Variants in MAN1A1 observed in about 807,000 individuals in gnomAD.
MAN1A1 encodes the protein mannosidase alpha class 1A member 1.
In MAN1A1, 29 loss-of-function variants were observed where a neutral mutation model predicts 70.8. The ratio of observed to expected loss-of-function variants is 0.41; its 90% confidence interval spans 0.31 to 0.56. The LOEUF is 0.56. Ranked by LOEUF, MAN1A1 falls within the 20% of genes least tolerant of loss-of-function variation. MAN1A1 has a pLI of 0.29. For missense variants in MAN1A1, 747 were observed against 841.3 expected (o/e 0.89, Z 1.39); for synonymous variants, 349 against 330.1 (o/e 1.06, Z -0.62).
At chr6:119,338,859 T>C (rs1015321331) in intron 2 of MAN1A1, among the ~76,000 whole-genome samples, 1 of 152,184 alleles carries the variant, frequency 6.6e-6, no homozygotes, top group Non-Finnish European at 1.5e-5. Flanking sequence ...GGGAAAAATT[T>C]TTTTTCTTGC....
At chr6:119,337,207 A>G (rs1773476297) in intron 2 of MAN1A1, among the ~76,000 whole-genome samples, 1 of 152,160 alleles carries the variant, frequency 6.6e-6, no homozygotes, top group Non-Finnish European at 1.5e-5. Flanking sequence ...GGCATTTCCT[A>G]TATTCATTAG....
intron 2 of MAN1A1, among the ~76,000 whole-genome samples, chr6:119,315,503 C>T (rs1194610043): frequency 6.6e-6 from 1 of 152,168 alleles, no homozygotes; most frequent in Non-Finnish European, 1.5e-5. Context: ...AAAATTGGAT[C>T]ATATGCATTT....
rs1773054563 is a variant in MAN1A1, at chr6:119,178,267, T to C, written c.*1552A>G. On this transcript the variant is annotated 3_prime_UTR_variant, in exon 13 of 13. Transcript: ENST00000368468. ...AGCCTATTGATAGCTAAGAAAATAA[T>C]TGTCTTCAATAATATTAGGTGGAAC... 6.6e-6 allele frequency: 1 copy of C among 152,170 alleles called. No homozygotes were observed. The highest frequency in any genetic ancestry group is 2.4e-5 in the African/African-American group (1 of 41,550). The allele number at this position is 152,170 out of a possible 1,614,324, so 9.4% of individuals were successfully genotyped here. A position where few individuals can be genotyped will look rare whatever the true frequency, so the allele number is the denominator to read the frequency against.
intron 6 of MAN1A1, among the ~76,000 whole-genome samples, chr6:119,224,418 G>T (rs1476161425): frequency 2.0e-5 from 3 of 152,176 alleles, no homozygotes; most frequent in African/African-American, 7.2e-5. Context: ...CAGGTACGGA[G>T]AAGATCCCCA....
chr6:119,306,602 A>G (rs984241578), intron 3 of MAN1A1, among the ~76,000 whole-genome samples: 7 of 152,206 alleles, frequency 4.6e-5, no homozygotes, highest in African/African-American at 1.7e-4. Flanking sequence ...CCCAGAGGCT[A>G]AAATTTATGA....
chr6:119,273,353 T>C (rs983146235), intron 5 of MAN1A1, among the ~76,000 whole-genome samples: 2 of 152,172 alleles, frequency 1.3e-5, no homozygotes, highest in African/African-American at 4.8e-5. Flanking sequence ...TTTCTCTATA[T>C]TTTCCATAGC....
intron 6 of MAN1A1, among the ~76,000 whole-genome samples, chr6:119,227,248 T>C (rs1033749636): frequency 8.5e-5 from 13 of 152,126 alleles, no homozygotes; most frequent in African/African-American, 3.1e-4. Context: ...AACATATCAG[T>C]GGTTGCCTGG....
In MAN1A1 at chr6:119,189,896, CTTAT is replaced by C; in HGVS notation, c.1327-17_1327-14del. 1 of 1,592,550 alleles carries C rather than the reference CTTAT, an allele frequency of 6.3e-7. No homozygotes were observed. The highest frequency in any genetic ancestry group is 8.6e-7 in the Non-Finnish European group (1 of 1,162,076). Reference sequence around the variant, plus strand: ...GAGTCTCGATAGCCTGTGAAAAACACTTATTTTTTAACATTTTGTAATCTCTTCT... The same window carrying C: ...GAGTCTCGATAGCCTGTGAAAAACACTTTTTAACATTTTGTAATCTCTTCT... On this transcript the variant is annotated splice_polypyrimidine_tract_variant and intron_variant, in intron 9 of 12. Transcript: ENST00000368468.
intron 7 of MAN1A1, among the ~76,000 whole-genome samples, chr6:119,203,032 C>T (rs1773758430): frequency 6.6e-6 from 1 of 152,122 alleles, no homozygotes; most frequent in South Asian, 2.1e-4. Flanking sequence ...ACAAAGAAGA[C>T]ATCATGTGAA....
At chr6:119,301,410 T>C (rs1340377568) in intron 4 of MAN1A1, among the ~76,000 whole-genome samples, 1 of 152,212 alleles carries the variant, frequency 6.6e-6, no homozygotes, top group African/African-American at 2.4e-5. Flanking sequence ...CAATGGGCCA[T>C]GAAATATTTG....
At chr6:119,345,069 C>G (rs994844535) in intron 2 of MAN1A1, among the ~76,000 whole-genome samples, 2 of 151,950 alleles carry the variant, frequency 1.3e-5, no homozygotes, top group South Asian at 4.1e-4. Context: ...TTAGCCCCAG[C>G]CCCTATTACT....
At chr6:119,327,084 A>G (rs1463210055) in intron 2 of MAN1A1, among the ~76,000 whole-genome samples, 1 of 152,202 alleles carries the variant, frequency 6.6e-6, no homozygotes, top group African/African-American at 2.4e-5. Flanking sequence ...AGGTATGATG[A>G]AAGTTACTTA....
chr6:119,323,075 C>A (rs1263734690), intron 2 of MAN1A1, among the ~76,000 whole-genome samples: 1 of 152,232 alleles, frequency 6.6e-6, no homozygotes, highest in African/African-American at 2.4e-5. Context: ...CACTGTTACA[C>A]CACTTTAGAG....
intron 2 of MAN1A1, among the ~76,000 whole-genome samples, chr6:119,345,615 T>A (rs1400141634): frequency 1.3e-5 from 2 of 152,340 alleles, no homozygotes; most frequent in East Asian, 3.9e-4. Flanking sequence ...AAAAATCTAC[T>A]GCAGTACTAG....
chr6:119,237,719 C>T (rs1363030300), intron 6 of MAN1A1, among the ~76,000 whole-genome samples: 1 of 152,152 alleles, frequency 6.6e-6, no homozygotes, highest in African/African-American at 2.4e-5. Context: ...CTCAGCTCCT[C>T]AACTTTCTAG....
chr6:119,182,517 A>G (rs1458604674), intron 11 of MAN1A1, among the ~76,000 whole-genome samples: 1 of 148,882 alleles, frequency 6.7e-6, no homozygotes, highest in Non-Finnish European at 1.5e-5. Flanking sequence ...ATTCATTTTG[A>G]GTTGTTTTTT....
chr6:119,259,222 T>C (rs1306904234), intron 5 of MAN1A1, among the ~76,000 whole-genome samples: 1 of 152,190 alleles, frequency 6.6e-6, no homozygotes, highest in East Asian at 1.9e-4. Context: ...AGTTGCTGAC[T>C]CATTTTGTAA....
chr6:119,230,442 A>G (rs1774645307), intron 6 of MAN1A1, among the ~76,000 whole-genome samples: 1 of 152,138 alleles, frequency 6.6e-6, no homozygotes, highest in Non-Finnish European at 1.5e-5. Context: ...GGGCTTTGCC[A>G]TCCTTCAGCC....
At chr6:119,250,656 G>C (rs1775293328) in intron 5 of MAN1A1, among the ~76,000 whole-genome samples, 1 of 151,088 alleles carries the variant, frequency 6.6e-6, no homozygotes, top group Admixed American at 6.6e-5. Flanking sequence ...CTCTGTGTGT[G>C]TGTGTGTGTG....
Sources: allele counts gnomAD v4.1 joint callset (sites outside exome capture counted in the v4.1 genomes callset), GRCh38; gene constraint gnomAD v4.1.1; transcripts MANE v1.5; gene names NCBI Gene and HGNC (gene_info 2026-07-23, HGNC 2026-07-21).